The following KIAA1217 variants were observed in gnomAD, a reference collection of about 807,000 sequenced individuals.
KIAA1217 encodes the protein KIAA1217, also known as sickle tail protein homolog.
Under a neutral mutation model 163.9 loss-of-function variants are expected in KIAA1217, and 88 were observed. The observed-to-expected ratio is 0.54, with a 90% confidence interval of 0.45 to 0.64. The LOEUF (loss-of-function observed/expected upper bound fraction) is 0.64, where lower values mean the gene tolerates loss of function less well. Ranked by LOEUF, KIAA1217 falls within the 30% of genes least tolerant of loss-of-function variation. The pLI is 0.00. For synonymous variants in KIAA1217, 903 were observed against 923.1 expected (o/e 0.98, Z 0.39); for missense variants, 2,372 against 2,475.0 (o/e 0.96, Z 0.88).
chr10:24,522,950 G>A (rs948754482), intron 12 of KIAA1217, among the ~76,000 whole-genome samples: 2 of 152,196 alleles, frequency 1.3e-5, no homozygotes, highest in Admixed American at 6.5e-5. Flanking sequence ...ACTCCAGCCT[G>A]GGAGACAGAG....
chr10:24,029,160 T>C (rs530212836), intron 2 of KIAA1217, among the ~76,000 whole-genome samples: 3 of 152,268 alleles, frequency 2.0e-5, no homozygotes, highest in East Asian at 3.9e-4. Flanking sequence ...AATGTAATCA[T>C]CCAAATAATC....
chr10:24,177,295 ATATT>A lies in KIAA1217; in HGVS notation c.-170-42330_-170-42327del, dbSNP rs1158327462. 8.0e-3 allele frequency among the ~76,000 whole-genome samples: 539 copies of A among 67,702 alleles called. 21 individuals are homozygous for A. Among genetic ancestry groups the A allele is most frequent in the South Asian group, 0.014 (23 of 1,696 alleles). The allele number at this position is 67,702 out of a possible 152,430, so 44.4% of individuals were successfully genotyped here. A position where few individuals can be genotyped will look rare whatever the true frequency, so the allele number is the denominator to read the frequency against. ...TATATATATATATATATATATATAT[ATATT>A]ACAATTTCTTTGTCATATATATCAC... On this transcript the variant is annotated intron_variant, in intron 2 of 18. Transcript: ENST00000376462.
intron 9 of KIAA1217, among the ~76,000 whole-genome samples, chr10:24,508,219 G>C (rs764761747): frequency 6.6e-6 from 1 of 151,834 alleles, no homozygotes; most frequent in Non-Finnish European, 1.5e-5. Context: ...GTTTTAATAC[G>C]AAAAAAATCA....
At chr10:24,485,062 C>CTTGG (rs143088337) in intron 6 of KIAA1217, among the ~76,000 whole-genome samples, 217 of 150,290 alleles carry the variant, frequency 1.4e-3, no homozygotes, top group African/African-American at 5.1e-3. Flanking sequence ...TGGGACTGAG[C>CTTGG]TTGGACCTCC....
chr10:23,934,575 A>T (rs1205822406), intron 1 of KIAA1217, among the ~76,000 whole-genome samples: 6 of 65,964 alleles, frequency 9.1e-5, no homozygotes, highest in African/African-American at 7.7e-4. Context: ...ATATATATAT[A>T]TATATATATA....
At chr10:24,106,594 T>C (rs537606060) in intron 2 of KIAA1217, among the ~76,000 whole-genome samples, 2 of 152,228 alleles carry the variant, frequency 1.3e-5, no homozygotes, top group East Asian at 3.9e-4. Flanking sequence ...TGTGTGTTTA[T>C]GCCTCAGTGA....
intron 1 of KIAA1217, among the ~76,000 whole-genome samples, chr10:23,722,379 A>C (rs931309341): frequency 1.3e-5 from 2 of 152,152 alleles, no homozygotes; most frequent in Non-Finnish European, 2.9e-5. Flanking sequence ...ATGTGTATTT[A>C]CCATAATTTT....
chr10:24,069,299 A>G (rs1386649963), intron 2 of KIAA1217, among the ~76,000 whole-genome samples: 1 of 152,158 alleles, frequency 6.6e-6, no homozygotes, highest in East Asian at 1.9e-4. Context: ...TCCAGGGAAA[A>G]GCTGAGAAGT....
At chr10:24,363,032 C>T in intron 2 of KIAA1217, among the ~76,000 whole-genome samples, 1 of 152,080 alleles carries the variant, frequency 6.6e-6, no homozygotes, top group East Asian at 1.9e-4. Context: ...TCCAGAGTTT[C>T]CTGATGTTAC....
At chr10:23,834,368 C>A (rs1009912594) in intron 1 of KIAA1217, among the ~76,000 whole-genome samples, 4 of 152,144 alleles carry the variant, frequency 2.6e-5, no homozygotes, top group Non-Finnish European at 5.9e-5. Flanking sequence ...AAAGGTGCAG[C>A]ACCCAATGTC....
chr10:23,704,172 G>GTGTGTGTGTGTGTGTGTATA (rs1229370789), intron 1 of KIAA1217, among the ~76,000 whole-genome samples: 9 of 39,944 alleles, frequency 2.3e-4, no homozygotes, highest in African/African-American at 1.2e-3. Flanking sequence ...GTGTGTGTGT[G>GTGTGTGTGTGTGTGTGTATA]TATATATATA....
chr10:24,529,259 A>G (rs1326756484), intron 14 of KIAA1217, among the ~76,000 whole-genome samples: 1 of 152,182 alleles, frequency 6.6e-6, no homozygotes, highest in East Asian at 1.9e-4. Flanking sequence ...AGTTCCTGGT[A>G]TAAAATGGCA....
chr10:24,180,650 C>T (rs1283660315), intron 2 of KIAA1217, among the ~76,000 whole-genome samples: 16 of 152,162 alleles, frequency 1.1e-4, no homozygotes, highest in Non-Finnish European at 2.1e-4. Flanking sequence ...AGTGTCTCCC[C>T]AGACCTCCAG....
chr10:24,212,180 T>A (rs2068226313), intron 1 of KIAA1217, among the ~76,000 whole-genome samples: 2 of 152,050 alleles, frequency 1.3e-5, no homozygotes, highest in African/African-American at 4.8e-5. Context: ...GCTAAAGGAT[T>A]CAACTTGGGA....
intron 9 of KIAA1217, among the ~76,000 whole-genome samples, chr10:24,512,829 A>G (rs2069408135): frequency 6.6e-6 from 1 of 152,190 alleles, no homozygotes; most frequent in South Asian, 2.1e-4. Context: ...TGGATTCCCC[A>G]TCATTAGAGG....
intron 2 of KIAA1217, among the ~76,000 whole-genome samples, chr10:24,245,282 C>T (rs751214174): frequency 1.5e-4 from 23 of 152,176 alleles, no homozygotes; most frequent in Admixed American, 6.5e-4. Context: ...CTGGTCCCGT[C>T]GAAGTGACGA....
At chr10:24,189,651 A>G (rs2066619709) in intron 2 of KIAA1217, among the ~76,000 whole-genome samples, 1 of 152,198 alleles carries the variant, frequency 6.6e-6, no homozygotes, top group Non-Finnish European at 1.5e-5. Flanking sequence ...TCAGAAATGG[A>G]GATCCAAAGA....
chr10:24,528,617 C>T (rs1341141324), intron 14 of KIAA1217, among the ~76,000 whole-genome samples: 2 of 152,176 alleles, frequency 1.3e-5, no homozygotes. Flanking sequence ...GCTTGAGCCA[C>T]ACTTGATTTC....
At chr10:23,792,402 G>C (rs572495771) in intron 1 of KIAA1217, among the ~76,000 whole-genome samples, 1 of 151,976 alleles carries the variant, frequency 6.6e-6, no homozygotes, top group African/African-American at 2.4e-5. Flanking sequence ...TAAACTTTCC[G>C]CATATTAGTC....
Sources: allele counts gnomAD v4.1 joint callset (sites outside exome capture counted in the v4.1 genomes callset), GRCh38; gene constraint gnomAD v4.1.1; transcripts MANE v1.5; gene names NCBI Gene and HGNC (gene_info 2026-07-23, HGNC 2026-07-21).